The following KSR2 variants were observed in gnomAD, a reference collection of about 807,000 sequenced individuals.
KSR2 encodes the protein kinase suppressor of ras 2.
KSR2 carries 25 observed loss-of-function variants against 107.8 expected under a neutral mutation model. The observed-to-expected ratio is 0.23, with a 90% CI of 0.17 to 0.32. KSR2 has a LOEUF of 0.32. Among genes scored for constraint, KSR2 ranks in the 10% least tolerant of loss-of-function variants. KSR2 has a pLI of 1.00. For synonymous variants in KSR2, 480 were observed against 507.0 expected, an observed-to-expected ratio of 0.95 and a Z score of 0.71; for missense variants, 887 against 1,268.9, an observed-to-expected ratio of 0.70 and a Z score of 4.57.
intron 14 of KSR2, among the ~76,000 whole-genome samples, chr12:117,504,198 T>C (rs1243259924): frequency 6.6e-6 from 1 of 152,230 alleles, no homozygotes; most frequent in East Asian, 1.9e-4. Context: ...ACATGGGTTC[T>C]GTGCCCCAAA....
rs1877578243 is a variant in KSR2, at chr12:117,555,156, A to G, written c.1518+13T>C. ...GCCCCACATGCCGAGACCCAGGGGA[A>G]GCCCAGCCTTACCTTGTTGATTTTG... is the stretch of plus-strand genomic sequence containing the variant. On this transcript the variant is annotated intron_variant, in intron 9 of 19. Coordinates refer to ENST00000339824, the MANE Select transcript of KSR2 (RefSeq NM_173598.6). 1 of 1,613,610 alleles carries G rather than the reference A, an allele frequency of 6.2e-7. No homozygotes were observed. Among genetic ancestry groups the G allele is most frequent in the East Asian group, 2.2e-5 (1 of 44,874 alleles).
At chr12:117,803,724 A>T (rs1046028309) in intron 3 of KSR2, among the ~76,000 whole-genome samples, 2 of 152,166 alleles carry the variant, frequency 1.3e-5, no homozygotes, top group Non-Finnish European at 2.9e-5. Context: ...AATTAAATTT[A>T]AAAAAGAAAA....
chr12:117,697,428 T>C (rs1433489353), intron 4 of KSR2, among the ~76,000 whole-genome samples: 1 of 152,188 alleles, frequency 6.6e-6, no homozygotes, highest in Non-Finnish European at 1.5e-5. Flanking sequence ...ATGCATTTTC[T>C]ACGTATATGT....
At chr12:117,834,124 G>C (rs759312843) in intron 3 of KSR2, among the ~76,000 whole-genome samples, 1 of 150,730 alleles carries the variant, frequency 6.6e-6, no homozygotes, top group Non-Finnish European at 1.5e-5. Flanking sequence ...CTGGGCAAGA[G>C]AGTGAGACCC....
At chr12:117,820,285 T>A (rs1480854609) in intron 3 of KSR2, among the ~76,000 whole-genome samples, 1 of 152,006 alleles carries the variant, frequency 6.6e-6, no homozygotes, top group African/African-American at 2.4e-5. Context: ...GATAAAGGTT[T>A]GGGGGCACTG....
chr12:117,620,336 G>A (rs908382264), intron 5 of KSR2, among the ~76,000 whole-genome samples: 6 of 152,132 alleles, frequency 3.9e-5, no homozygotes, highest in African/African-American at 1.2e-4. Flanking sequence ...TGGATATACA[G>A]GAGTTATTTG....
intron 4 of KSR2, among the ~76,000 whole-genome samples, chr12:117,670,168 T>C (rs990908343): frequency 6.6e-6 from 1 of 152,146 alleles, no homozygotes; most frequent in Admixed American, 6.5e-5. Context: ...AGCTCGGAAA[T>C]TATAAGCATA....
At chr12:117,709,852 A>G (rs1192006412) in intron 4 of KSR2, among the ~76,000 whole-genome samples, 2 of 152,216 alleles carry the variant, frequency 1.3e-5, no homozygotes, top group Non-Finnish European at 2.9e-5. Flanking sequence ...AGTGACAACC[A>G]AAATGGACTC....
chr12:117,642,932 T>G (rs1297092258), intron 5 of KSR2, among the ~76,000 whole-genome samples: 1 of 152,232 alleles, frequency 6.6e-6, no homozygotes, highest in Non-Finnish European at 1.5e-5. Context: ...AGGCTCCATG[T>G]AACCCACAAT....
At chr12:117,665,248 T>C (rs560463077) in intron 5 of KSR2, among the ~76,000 whole-genome samples, 1 of 152,258 alleles carries the variant, frequency 6.6e-6, no homozygotes, top group Admixed American at 6.5e-5. Context: ...CAGAAACGCT[T>C]TTCCTCTTAG....
At chr12:117,564,512 A>G (rs1878334533) in intron 7 of KSR2, among the ~76,000 whole-genome samples, 1 of 152,234 alleles carries the variant, frequency 6.6e-6, no homozygotes, top group Admixed American at 6.5e-5. Context: ...TTCATGGCAA[A>G]TAGTTAACTT....
intron 14 of KSR2, among the ~76,000 whole-genome samples, chr12:117,497,970 T>A (rs754830726): frequency 6.6e-6 from 1 of 152,254 alleles, no homozygotes; most frequent in Non-Finnish European, 1.5e-5. Context: ...GATGATGGTC[T>A]CCGTTGATGG....
intron 1 of KSR2, among the ~76,000 whole-genome samples, chr12:117,924,618 T>C (rs941417747): frequency 3.2e-5 from 3 of 94,024 alleles, no homozygotes; most frequent in African/African-American, 1.2e-4. Context: ...AAGAAAGAAA[T>C]ACGGGCATGA....
chr12:117,690,982 A>G (rs972827036), intron 4 of KSR2, among the ~76,000 whole-genome samples: 1 of 152,210 alleles, frequency 6.6e-6, no homozygotes, highest in African/African-American at 2.4e-5. Flanking sequence ...TGTAAATGCA[A>G]TGCAGTGTTT....
chr12:117,554,830 CA>C (rs1212143677), intron 9 of KSR2, among the ~76,000 whole-genome samples: 1 of 152,176 alleles, frequency 6.6e-6, no homozygotes, highest in African/African-American at 2.4e-5. Context: ...CAGACTAATA[CA>C]GATGGCAAAA....
intron 4 of KSR2, among the ~76,000 whole-genome samples, chr12:117,717,712 T>TGCGC (rs1555231272): frequency 1.6e-4 from 22 of 137,176 alleles, no homozygotes; most frequent in Non-Finnish European, 2.8e-4. Context: ...TGTGTGTGTG[T>TGCGC]GCATGCGCGC....
At chr12:117,733,677 T>G (rs1887820440) in intron 4 of KSR2, among the ~76,000 whole-genome samples, 1 of 152,216 alleles carries the variant, frequency 6.6e-6, no homozygotes, top group African/African-American at 2.4e-5. Flanking sequence ...TTCAGAACAT[T>G]GTTCCTGGCT....
chr12:117,771,385 T>A (rs1889445547), intron 3 of KSR2, among the ~76,000 whole-genome samples: 1 of 152,192 alleles, frequency 6.6e-6, no homozygotes. Context: ...ACATCTTACA[T>A]AATCTGATTG....
intron 3 of KSR2, among the ~76,000 whole-genome samples, chr12:117,832,612 T>C (rs1892020147): frequency 6.6e-6 from 1 of 152,236 alleles, no homozygotes; most frequent in Admixed American, 6.5e-5. Flanking sequence ...AGTAGCTGCC[T>C]GATGTCACAG....
Sources: allele counts gnomAD v4.1 joint callset (sites outside exome capture counted in the v4.1 genomes callset), GRCh38; gene constraint gnomAD v4.1.1; transcripts MANE v1.5; gene names NCBI Gene and HGNC (gene_info 2026-07-23, HGNC 2026-07-21).